The following JAM2 variants were observed in gnomAD, a reference collection of about 807,000 sequenced individuals.
JAM2 encodes junctional adhesion molecule 2, also known as junctional adhesion molecule B.
Under a neutral mutation model 42.0 loss-of-function variants are expected in JAM2, and 17 were observed. The observed-to-expected ratio is 0.40, with a 90% confidence interval of 0.28 to 0.61. JAM2 has a LOEUF of 0.61. Ranked by LOEUF, JAM2 falls within the 20% of genes least tolerant of loss-of-function variation. The pLI, the probability that JAM2 is intolerant of heterozygous loss-of-function variation, is 0.37. For synonymous variants in JAM2, 118 were observed against 128.6 expected, an observed-to-expected ratio of 0.92 and a Z score of 0.56; for missense variants, 319 against 358.3, an observed-to-expected ratio of 0.89 and a Z score of 0.89.
At chr21:25,688,001 A>T (rs1156413741) in intron 2 of JAM2, among the ~76,000 whole-genome samples, 1 of 152,216 alleles carries the variant, frequency 6.6e-6, no homozygotes. Context: ...CCCAAAGGGC[A>T]AGGATCTTTG....
At chr21:25,658,588 G>A (rs1470014594) in intron 1 of JAM2, among the ~76,000 whole-genome samples, 3 of 152,096 alleles carry the variant, frequency 2.0e-5, no homozygotes, top group Non-Finnish European at 4.4e-5. Flanking sequence ...ACAACCAACA[G>A]AACCAGTGTC....
intron 8 of JAM2, among the ~76,000 whole-genome samples, chr21:25,710,594 G>A (rs1037665607): frequency 1.3e-5 from 2 of 152,206 alleles, no homozygotes; most frequent in Non-Finnish European, 2.9e-5. Context: ...GCAGAGGGGA[G>A]AGAGCAAATT....
intron 1 of JAM2, among the ~76,000 whole-genome samples, chr21:25,644,426 CG>C (rs1015001894): frequency 1.8e-4 from 28 of 152,240 alleles, no homozygotes; most frequent in African/African-American, 6.5e-4. Flanking sequence ...CTTCTGGAGG[CG>C]CCCCACTCAC....
In JAM2 at chr21:25,712,399, C is replaced by T; in HGVS notation, c.864+17C>T. On this transcript the variant is annotated intron_variant, in intron 9 of 9. Coordinates refer to ENST00000480456, the MANE Select transcript of JAM2 (RefSeq NM_021219.4). ...AGTGAAAATGTGAGTATCTTTAAAGCATATTTATAGAATGAATATGTTTGG... is the reference window on the plus strand; with the variant it reads ...AGTGAAAATGTGAGTATCTTTAAAGTATATTTATAGAATGAATATGTTTGG... 6.5e-7 allele frequency: 1 copy of T among 1,534,980 alleles called. No homozygotes were observed. The highest frequency in any genetic ancestry group is 1.1e-5 in the South Asian group (1 of 88,518).
intron 2 of JAM2, among the ~76,000 whole-genome samples, chr21:25,689,535 T>A (rs1411907857): frequency 3.3e-5 from 5 of 152,196 alleles, no homozygotes; most frequent in Non-Finnish European, 7.3e-5. Flanking sequence ...ATAGCTGCCA[T>A]TTGTTAAGTC....
At chr21:25,679,704 A>G (rs192159094) in intron 1 of JAM2, among the ~76,000 whole-genome samples, 2 of 152,250 alleles carry the variant, frequency 1.3e-5, no homozygotes, top group East Asian at 3.9e-4. Context: ...CTTAGCTTCC[A>G]CCTTCCTTTT....
intron 7 of JAM2, 112 bp from the exon 8 acceptor site, chr21:25,709,322 A>T: frequency 1.7e-6 from 1 of 594,678 alleles, no homozygotes. Flanking sequence ...AAACGTCAGC[A>T]AGTGAAGATT....
intron 1 of JAM2, among the ~76,000 whole-genome samples, chr21:25,651,213 C>T (rs531772888): frequency 2.6e-5 from 4 of 152,032 alleles, no homozygotes; most frequent in Non-Finnish European, 2.9e-5. Context: ...TAAGTTACAT[C>T]TCTGACAGAG....
chr21:25,685,167 A>G (rs1324417871), intron 2 of JAM2, among the ~76,000 whole-genome samples: 1 of 152,130 alleles, frequency 6.6e-6, no homozygotes, highest in Non-Finnish European at 1.5e-5. Flanking sequence ...GGGGAATTAA[A>G]TGAGTTAATA....
At chr21:25,655,379 A>C (rs2032904978) in intron 1 of JAM2, among the ~76,000 whole-genome samples, 1 of 84,822 alleles carries the variant, frequency 1.2e-5, no homozygotes, top group South Asian at 4.0e-4. Context: ...TTTGTCCTTG[A>C]AGCCCTCTGG....
At chr21:25,655,026 G>C (rs374661299) in intron 1 of JAM2, among the ~76,000 whole-genome samples, 453 of 152,266 alleles carry the variant, frequency 3.0e-3, no homozygotes, top group African/African-American at 0.011. Flanking sequence ...AGGGAAATGT[G>C]GCTAGATATT....
chr21:25,689,624 C>CA (rs1295137212), intron 2 of JAM2, among the ~76,000 whole-genome samples: 1 of 152,146 alleles, frequency 6.6e-6, no homozygotes, highest in Non-Finnish European at 1.5e-5. Context: ...AATACTAGCC[C>CA]ATTTACAGAT....
At chr21:25,713,917 A>T (rs1199222115) in intron 9 of JAM2, among the ~76,000 whole-genome samples, 1 of 152,238 alleles carries the variant, frequency 6.6e-6, no homozygotes, top group East Asian at 1.9e-4. Context: ...GCCCTTATCA[A>T]CTAACAGCTA....
At chr21:25,673,373 A>T (rs1173655792) in intron 1 of JAM2, among the ~76,000 whole-genome samples, 1 of 152,230 alleles carries the variant, frequency 6.6e-6, no homozygotes, top group Non-Finnish European at 1.5e-5. Context: ...AAATAACTTT[A>T]TCCTCAATTC....
At chr21:25,676,260 C>CCTGGGTGACACAGAGAGACT (rs2033490578) in intron 1 of JAM2, among the ~76,000 whole-genome samples, 3 of 143,000 alleles carry the variant, frequency 2.1e-5, no homozygotes, top group African/African-American at 7.8e-5. Flanking sequence ...TGCACTCCAG[C>CCTGGGTGACACAGAGAGACT]CTGGGTGACA....
At chr21:25,712,239 G>C in intron 8 of JAM2, 101 bp from the exon 9 acceptor site, 1 of 808,792 alleles carries the variant, frequency 1.2e-6, no homozygotes. Context: ...TCATGTTCTT[G>C]CTGAGAAAAT....
chr21:25,667,256 TC>T (rs1297778666), intron 1 of JAM2, among the ~76,000 whole-genome samples: 2 of 152,236 alleles, frequency 1.3e-5, no homozygotes, highest in East Asian at 3.8e-4. Flanking sequence ...GTTCCTGTCA[TC>T]CAATCAGTGA....
At chr21:25,695,086 T>G (rs1181294614) in intron 4 of JAM2, among the ~76,000 whole-genome samples, 3 of 151,858 alleles carry the variant, frequency 2.0e-5, no homozygotes, top group Non-Finnish European at 4.4e-5. Flanking sequence ...GATAAACAAG[T>G]GAACAAGGGT....
chr21:25,684,044 C>A (rs906342987), intron 2 of JAM2, 96 bp downstream of exon 2: 2 of 739,270 alleles, frequency 2.7e-6, no homozygotes, highest in Non-Finnish European at 4.3e-6. Context: ...GGATTCTCTG[C>A]CTTACCTTCT....
Sources: allele counts gnomAD v4.1 joint callset (sites outside exome capture counted in the v4.1 genomes callset), GRCh38; gene constraint gnomAD v4.1.1; transcripts MANE v1.5; gene names NCBI Gene and HGNC (gene_info 2026-07-23, HGNC 2026-07-21).